The following ADGRG3 variants were observed in gnomAD, a reference collection of about 807,000 sequenced individuals.
The protein encoded by ADGRG3 is G protein-coupled receptor 97.
A neutral mutation model predicts 54.3 loss-of-function variants in ADGRG3; 39 were observed. The observed-to-expected ratio is 0.72, with a 90% confidence interval of 0.56 to 0.94. ADGRG3 has a LOEUF of 0.94. Among genes scored for constraint, ADGRG3 ranks in the 40% least tolerant of loss-of-function variants. The pLI is 0.00. For synonymous variants in ADGRG3, 312 were observed against 290.0 expected (o/e 1.08, Z -0.77); for missense variants, 654 against 694.6 (o/e 0.94, Z 0.66).
chr16:57,668,980 C>T (rs1284873659), intron 1 of ADGRG3, among the ~76,000 whole-genome samples: 3 of 152,226 alleles, frequency 2.0e-5, no homozygotes, highest in Admixed American at 6.5e-5. Context: ...ACACATGGTG[C>T]GTCTCCAGAG....
At chr16:57,670,812 T>C (rs2048142650) in intron 1 of ADGRG3, among the ~76,000 whole-genome samples, 1 of 151,988 alleles carries the variant, frequency 6.6e-6, no homozygotes, top group Admixed American at 6.6e-5. Context: ...ATTTTTATCA[T>C]GTCTTTTTTG....
At position 57,676,180 on chromosome 16, in the gene ADGRG3, C is replaced by A. The variant is rs200700523; in HGVS notation, c.207-20C>A. 3,634 of 1,611,886 alleles carry A rather than the reference C, an allele frequency of 2.3e-3. 111 individuals carry two copies. The South Asian group carries it at 0.038, about 17-fold the overall frequency. ...CAGCCTGCAGGATCCTACCCTCCCCCCATCCCTGGCCCTTTGCAGATACTG... is the reference window on the plus strand; with the variant it reads ...CAGCCTGCAGGATCCTACCCTCCCCACATCCCTGGCCCTTTGCAGATACTG... On this transcript the variant is annotated intron_variant, in intron 2 of 11. Transcript: ENST00000333493.
At position 57,673,423 on chromosome 16, in the gene ADGRG3, G is replaced by T. The variant is rs770358966; in HGVS notation, c.161G>T (p.Cys54Phe). Residue 54 changes from cysteine to phenylalanine, a missense_variant, in exon 2 of 12, where the codon TGC (cysteine) becomes TTC (phenylalanine). Physicochemically the swap from Cys to Phe is radical, Grantham distance 205 (BLOSUM62 -2). Coordinates refer to ENST00000333493, the MANE Select transcript of ADGRG3 (RefSeq NM_170776.5). ...GACAAGGCTTTGTGCTTCACCAAGT[G>T]CAGGCAGTCGGGCAGCGACTCCTGC... Reference protein sequence around the residue: ...LNDKALCFTKCRQSGSDSCNV... With the variant: ...LNDKALCFTKFRQSGSDSCNV... 6.2e-6 allele frequency: 10 copies of T among 1,612,290 alleles called. No homozygotes were observed. The South Asian group carries it at 9.9e-5, about 16-fold the overall frequency.
At chr16:57,670,567 T>C (rs2048136798) in intron 1 of ADGRG3, among the ~76,000 whole-genome samples, 1 of 151,710 alleles carries the variant, frequency 6.6e-6, no homozygotes, top group Non-Finnish European at 1.5e-5. Flanking sequence ...TTCTTCCTCC[T>C]CTCCCTCTTC....
intron 3 of ADGRG3, among the ~76,000 whole-genome samples, chr16:57,677,327 A>G (rs1449427301): frequency 4.6e-5 from 7 of 152,240 alleles, no homozygotes; most frequent in African/African-American, 1.7e-4. Flanking sequence ...TCACGCCTGT[A>G]ATACCAGCAC....
upstream of ADGRG3, among the ~76,000 whole-genome samples, chr16:57,667,093 C>T (rs1211594909): frequency 6.6e-6 from 1 of 152,252 alleles, no homozygotes. Flanking sequence ...TGACCTGCTG[C>T]TCCATGCTGA....
At chr16:57,671,965 C>T (rs1465422723) in intron 1 of ADGRG3, among the ~76,000 whole-genome samples, 1 of 152,084 alleles carries the variant, frequency 6.6e-6, no homozygotes, top group Non-Finnish European at 1.5e-5. Flanking sequence ...TTGAGATCAG[C>T]CTGGGCAACA....
Position 57,673,486 on chromosome 16 carries a change from G to A in ADGRG3, c.206+18G>A. The A allele has an allele frequency of 6.3e-7, 1 of 1,588,040 alleles. No individual in the cohort carries two copies. The highest frequency in any genetic ancestry group is 8.6e-7 in the Non-Finnish European group (1 of 1,159,364). On this transcript the variant is annotated intron_variant, in intron 2 of 11. Coordinates refer to ENST00000333493, the MANE Select transcript of ADGRG3 (RefSeq NM_170776.5). ...TTGCAGAGGTGAGGGGGCCCCCTGA[G>A]CTGGAGGGGGAATCTGAAGCTGCTG... is the stretch of plus-strand genomic sequence containing the variant.
intron 3 of ADGRG3, among the ~76,000 whole-genome samples, chr16:57,677,668 G>T (rs964561595): frequency 1.3e-5 from 2 of 152,188 alleles, no homozygotes; most frequent in Admixed American, 6.5e-5. Flanking sequence ...TGTTGTTGTT[G>T]TTGGGCGGGG....
rs1442261456 is a variant in ADGRG3 at position 57,678,168 on chromosome 16, A to G, written c.346-2A>G. The G allele has an allele frequency of 6.2e-7, 1 of 1,613,860 alleles. No homozygotes were observed. The highest frequency in any genetic ancestry group is 8.5e-7 in the Non-Finnish European group (1 of 1,179,896). On this transcript the variant is annotated splice_acceptor_variant, in intron 3 of 11. Transcript: ENST00000333493. LOFTEE classifies it high-confidence loss of function. ...TGGGAGCTGCTGTGTCTGTGGTTGTAGGTTCCGAGGCAGGTGATGAAGGAC... is the reference window on the plus strand; with the variant it reads ...TGGGAGCTGCTGTGTCTGTGGTTGTGGGTTCCGAGGCAGGTGATGAAGGAC...
chr16:57,673,995 T>C (rs1462474851), intron 2 of ADGRG3, among the ~76,000 whole-genome samples: 1 of 151,942 alleles, frequency 6.6e-6, no homozygotes, highest in Non-Finnish European at 1.5e-5. Context: ...GGGTGGGAGA[T>C]AGGACTGGAA....
At chr16:57,677,602 C>T (rs1457149765) in intron 3 of ADGRG3, among the ~76,000 whole-genome samples, 15 of 152,052 alleles carry the variant, frequency 9.9e-5, no homozygotes, top group Non-Finnish European at 1.5e-5. Context: ...AAATGCTTTG[C>T]AATGACCACT....
rs75353157 is a variant in ADGRG3, at chr16:57,669,274, G to C, written c.58+869G>C. 5.7e-3 allele frequency among the ~76,000 whole-genome samples: 872 copies of C among 152,334 alleles called. 3 individuals carry two copies. The highest frequency in any genetic ancestry group is 0.02 in the African/African-American group (827 of 41,570). On this transcript the variant is annotated intron_variant, in intron 1 of 11. Transcript: ENST00000333493. Reference sequence around the variant, plus strand: ...GTGGTCGCGTGACTTTGGCCACATAGATCAACTTATTTGGTCTTCAAATAA... The same window carrying C: ...GTGGTCGCGTGACTTTGGCCACATACATCAACTTATTTGGTCTTCAAATAA...
chr16:57,670,173 A>G (rs2048128415), intron 1 of ADGRG3, among the ~76,000 whole-genome samples: 1 of 152,092 alleles, frequency 6.6e-6, no homozygotes, highest in Admixed American at 6.5e-5. Context: ...CCCCCAAATG[A>G]GGCAGTCCAT....
upstream of ADGRG3, among the ~76,000 whole-genome samples, chr16:57,665,797 G>T (rs1453076924): frequency 2.0e-5 from 3 of 152,160 alleles, no homozygotes; most frequent in African/African-American, 7.2e-5. Flanking sequence ...CACTCTAGGG[G>T]GATGCCCAGC....
At chr16:57,674,467 T>G (rs758338186) in intron 2 of ADGRG3, 2 of 306,110 alleles carry the variant, frequency 6.5e-6, no homozygotes, top group Non-Finnish European at 1.4e-5. Flanking sequence ...CATTAGTACT[T>G]AATAAATATG....
Position 57,673,377 on chromosome 16 carries a change from TACG to T in ADGRG3, c.118_120del (p.Asp40del), listed in dbSNP as rs772051533. The T allele has an allele frequency of 1.9e-6, 3 of 1,613,956 alleles. No individual in the cohort carries two copies. Among genetic ancestry groups the T allele is most frequent in the East Asian group, 2.2e-5 (1 of 44,870 alleles). On this transcript the variant is annotated inframe_deletion, in exon 2 of 12. Coordinates refer to ENST00000333493, the MANE Select transcript of ADGRG3 (RefSeq NM_170776.5). ...CACCTGCCTGGGGAGCAACAACATG[TACG>T]ACATCTTCAACTTGAATGACAAGGC...
chr16:57,682,864 C>T (rs867612948), intron 8 of ADGRG3, among the ~76,000 whole-genome samples: 13 of 152,312 alleles, frequency 8.5e-5, no homozygotes, highest in South Asian at 4.1e-4. Context: ...ACTGCATTTT[C>T]GGCTTCATGC....
chr16:57,678,489 T>TGAAGACC, intron 4 of ADGRG3, 173 bp downstream of exon 4: 1 of 624,628 alleles, frequency 1.6e-6, no homozygotes, highest in Non-Finnish European at 2.8e-6. Flanking sequence ...CACTAGAGTC[T>TGAAGACC]ATGGTCTTCA....
Sources: allele counts gnomAD v4.1 joint callset (sites outside exome capture counted in the v4.1 genomes callset), GRCh38; gene constraint gnomAD v4.1.1; transcripts MANE v1.5; gene names NCBI Gene and HGNC (gene_info 2026-07-23, HGNC 2026-07-21).